Variants in MMS22L observed in about 807,000 individuals in gnomAD.
MMS22L encodes protein MMS22-like.
Under a neutral mutation model 159.1 loss-of-function variants are expected in MMS22L, and 74 were observed. The ratio of observed to expected loss-of-function variants is 0.47; its 90% CI spans 0.39 to 0.56. MMS22L has a LOEUF of 0.56. Ranked by LOEUF, MMS22L falls within the 20% of genes least tolerant of loss-of-function variation. MMS22L has a pLI of 0.00. For missense variants in MMS22L, 1,351 were observed against 1,422.1 expected (o/e 0.95, Z 0.80); for synonymous variants, 517 against 506.9 (o/e 1.02, Z -0.27).
chr6:97,214,411 G>A (rs1385813824), intron 14 of MMS22L, among the ~76,000 whole-genome samples: 14 of 152,148 alleles, frequency 9.2e-5, no homozygotes, highest in Admixed American at 3.3e-4. Flanking sequence ...TATAGTAAGC[G>A]AAGAAGCCAG....
chr6:97,259,848 AAAC>A (rs1814262492), intron 9 of MMS22L: 1 of 152,186 alleles, frequency 6.6e-6, no homozygotes, highest in Non-Finnish European at 1.5e-5. Context: ...ACTATTATAA[AAAC>A]AATACTGCAA....
intron 19 of MMS22L, among the ~76,000 whole-genome samples, chr6:97,168,892 T>C (rs1389793854): frequency 1.3e-5 from 2 of 152,120 alleles, no homozygotes; most frequent in African/African-American, 4.8e-5. Context: ...TTATACATTA[T>C]GGTTTTATAT....
intron 14 of MMS22L, among the ~76,000 whole-genome samples, chr6:97,197,432 G>A (rs541937170): frequency 2.6e-4 from 40 of 152,276 alleles, no homozygotes; most frequent in Non-Finnish European, 4.0e-4. Context: ...AGAGTATCAC[G>A]TGGGTAGGAC....
At chr6:97,226,365 C>A (rs1037847441) in intron 14 of MMS22L, among the ~76,000 whole-genome samples, 1 of 152,032 alleles carries the variant, frequency 6.6e-6, no homozygotes, top group Non-Finnish European at 1.5e-5. Flanking sequence ...GAGGCCGAGG[C>A]GGGTGGATCA....
chr6:97,232,109 G>A (rs1233076422), intron 12 of MMS22L, among the ~76,000 whole-genome samples: 1 of 152,076 alleles, frequency 6.6e-6, no homozygotes, highest in African/African-American at 2.4e-5. Context: ...GCTATATCTA[G>A]AGGTTTCATC....
At position 97,145,585 on chromosome 6, in the gene MMS22L, G is replaced by T. The variant is rs184284933; in HGVS notation, c.*1221C>A. ...GAGAGGTGTTCTTTGCCTTAATTGT[G>T]CACGAGTAATAAACTAATCGTGTCT... is the stretch of plus-strand genomic sequence containing the variant. On this transcript the variant is annotated 3_prime_UTR_variant, in exon 25 of 25. Coordinates refer to ENST00000683635, the MANE Select transcript of MMS22L (RefSeq NM_001350599.2). The T allele has an allele frequency of 7.9e-4, 121 of 152,228 alleles. 1 individual carries two copies. Among genetic ancestry groups the T allele is most frequent in the African/African-American group, 2.8e-3 (118 of 41,556 alleles). 9.4% of individuals were successfully genotyped at this position (152,228 alleles called of 1,614,324 possible).
chr6:97,261,512 A>C (rs1322460749), intron 9 of MMS22L: 1 of 152,194 alleles, frequency 6.6e-6, no homozygotes, highest in Non-Finnish European at 1.5e-5. Flanking sequence ...TCTCTAGTTT[A>C]TCATGTATAT....
At chr6:97,165,688 A>T (rs1802896329) in intron 20 of MMS22L, among the ~76,000 whole-genome samples, 1 of 152,144 alleles carries the variant, frequency 6.6e-6, no homozygotes, top group African/African-American at 2.4e-5. Flanking sequence ...AGGTGTGGAC[A>T]AAGGAAGCAG....
chr6:97,228,827 A>T, intron 14 of MMS22L, 67 bp downstream of exon 14: 1 of 1,414,332 alleles, frequency 7.1e-7, no homozygotes, highest in Non-Finnish European at 9.5e-7. Context: ...ATATAACTTT[A>T]ATATAAAATC....
intron 14 of MMS22L, among the ~76,000 whole-genome samples, chr6:97,197,238 C>T (rs1806627174): frequency 6.6e-6 from 1 of 152,104 alleles, no homozygotes; most frequent in Non-Finnish European, 1.5e-5. Flanking sequence ...AAAAGAAGAG[C>T]AGAATGATCA....
Position 97,145,063 on chromosome 6 carries a change from CACAAAA to C in MMS22L, c.*1737_*1742del, listed in dbSNP as rs1800869809. On this transcript the variant is annotated 3_prime_UTR_variant, in exon 25 of 25. Transcript: ENST00000683635. ...ACACACACACACACACACACACACA[CACAAAA>C]ACACATATACACATAAATAACCTCT... is the stretch of plus-strand genomic sequence containing the variant. 7.2e-6 allele frequency: 1 copy of C among 138,660 alleles called. No homozygotes were observed. Among genetic ancestry groups the C allele is most frequent in the South Asian group, 2.2e-4 (1 of 4,634 alleles). The allele number at this position is 138,660 out of a possible 1,614,324, so 8.6% of individuals were successfully genotyped here. A position where few individuals can be genotyped will look rare whatever the true frequency, so the allele number is the denominator to read the frequency against.
chr6:97,204,701 GA>G (rs1214738420), intron 14 of MMS22L, among the ~76,000 whole-genome samples: 6 of 146,658 alleles, frequency 4.1e-5, no homozygotes, highest in Admixed American at 2.8e-4. Flanking sequence ...AGCCTGAAGT[GA>G]AAGGACCACT....
chr6:97,195,150 G>T (rs868078595), intron 14 of MMS22L, among the ~76,000 whole-genome samples: 2 of 152,056 alleles, frequency 1.3e-5, no homozygotes, highest in Non-Finnish European at 2.9e-5. Context: ...AACTAAATAA[G>T]TAAGGGAGGG....
chr6:97,233,840 A>C (rs1268472990), intron 12 of MMS22L, 21 bp downstream of exon 12: 2 of 1,568,362 alleles, frequency 1.3e-6, no homozygotes, highest in Non-Finnish European at 1.7e-6. Flanking sequence ...CCTGGAGCAA[A>C]TTCCTATTCT....
At chr6:97,264,973 G>A (rs1033257166) in intron 8 of MMS22L, 3 of 152,126 alleles carry the variant, frequency 2.0e-5, no homozygotes, top group Admixed American at 6.5e-5. Flanking sequence ...ACTACCCAAA[G>A]TGACCTACAG....
intron 10 of MMS22L, among the ~76,000 whole-genome samples, chr6:97,248,879 A>G (rs1283389108): frequency 1.3e-5 from 2 of 151,530 alleles, no homozygotes; most frequent in Non-Finnish European, 2.9e-5. Flanking sequence ...AAAAGATCTG[A>G]CCTTTGCCCA....
intron 18 of MMS22L, among the ~76,000 whole-genome samples, chr6:97,177,428 T>A (rs1017417615): frequency 6.6e-6 from 1 of 152,136 alleles, no homozygotes; most frequent in Non-Finnish European, 1.5e-5. Flanking sequence ...ATTTTTCAAA[T>A]CCCTACGAAG....
intron 11 of MMS22L, among the ~76,000 whole-genome samples, chr6:97,239,291 C>A (rs1346931194): frequency 2.0e-5 from 3 of 152,022 alleles, no homozygotes; most frequent in Non-Finnish European, 4.4e-5. Flanking sequence ...TAAAATCAGG[C>A]TTACTTTTTA....
intron 18 of MMS22L, among the ~76,000 whole-genome samples, chr6:97,175,899 T>C (rs985076854): frequency 1.4e-4 from 21 of 152,212 alleles, no homozygotes; most frequent in African/African-American, 4.1e-4. Flanking sequence ...TGAATAACCA[T>C]ACTTTGTCAG....
Sources: gnomAD v4.1 joint callset for allele counts (sites outside exome capture counted in the v4.1 genomes callset) on GRCh38, gnomAD v4.1.1 for gene constraint, MANE v1.5 for transcripts, NCBI Gene and HGNC (gene_info 2026-07-23, HGNC 2026-07-21) for gene names.